The following MYT1L variants were observed in gnomAD, a reference collection of about 807,000 sequenced individuals.
The protein encoded by MYT1L is myelin transcription factor 1 like, also known as myelin transcription factor 1-like protein.
MYT1L carries 12 observed loss-of-function variants against 126.7 expected under a neutral mutation model. The observed-to-expected ratio is 0.09, with a 90% CI of 0.06 to 0.15. MYT1L has a LOEUF of 0.15. Ranked by LOEUF, MYT1L falls within the 10% of genes least tolerant of loss-of-function variation. The pLI, the probability that MYT1L is intolerant of heterozygous loss-of-function variation, is 1.00. For synonymous variants in MYT1L, 541 were observed against 604.2 expected, an observed-to-expected ratio of 0.90 and a Z score of 1.53; for missense variants, 979 against 1,585.2, an observed-to-expected ratio of 0.62 and a Z score of 6.49.
At chr2:1,822,102 C>G (rs1316691814) in intron 21 of MYT1L, among the ~76,000 whole-genome samples, 1 of 152,174 alleles carries the variant, frequency 6.6e-6, no homozygotes, top group Non-Finnish European at 1.5e-5. Context: ...TTTCTTCACT[C>G]TTTCTCTCCA....
chr2:1,804,629 C>T lies in MYT1L; in HGVS notation c.3173-2830G>A, dbSNP rs186674509. Among the ~76,000 whole-genome samples, 546 of 152,310 alleles carry T rather than the reference C, an allele frequency of 3.6e-3. 4 individuals carry two copies. The highest frequency in any genetic ancestry group is 5.9e-3 in the Non-Finnish European group (399 of 68,024). ...CGTGGTCCTGGAAGATTTTGATTTA[C>T]TTCAGGATCCTGGTAGCTCTTGAGA... On this transcript the variant is annotated intron_variant, in intron 22 of 24. Transcript: ENST00000647738.
intron 3 of MYT1L, among the ~76,000 whole-genome samples, chr2:2,133,822 A>T (rs1396586653): frequency 6.6e-6 from 1 of 152,108 alleles, no homozygotes; most frequent in Non-Finnish European, 1.5e-5. Flanking sequence ...CTGACTCTCC[A>T]CTATGCCCGG....
At chr2:1,953,530 C>T (rs1027995377) in intron 8 of MYT1L, among the ~76,000 whole-genome samples, 6 of 152,230 alleles carry the variant, frequency 3.9e-5, no homozygotes, top group Non-Finnish European at 5.9e-5. Context: ...AACTCTGTGT[C>T]GCTAGACATT....
intron 4 of MYT1L, among the ~76,000 whole-genome samples, chr2:2,000,015 C>G (rs1234690282): frequency 6.6e-6 from 1 of 152,214 alleles, no homozygotes. Flanking sequence ...AAAGAGCCAA[C>G]AGAACAAAGA....
At chr2:1,844,871 G>A (rs1298721296) in intron 19 of MYT1L, among the ~76,000 whole-genome samples, 4 of 152,202 alleles carry the variant, frequency 2.6e-5, no homozygotes, top group African/African-American at 9.6e-5. Flanking sequence ...CCGAGCCCTG[G>A]AGGGAGGGGA....
chr2:1,886,971 A>G, intron 17 of MYT1L: 1 of 403,496 alleles, frequency 2.5e-6, no homozygotes, highest in Non-Finnish European at 4.4e-6. Flanking sequence ...ACAGAATTCA[A>G]CATTTTTACT....
intron 3 of MYT1L, among the ~76,000 whole-genome samples, chr2:2,149,565 A>C (rs2085416381): frequency 6.6e-6 from 1 of 152,164 alleles, no homozygotes; most frequent in African/African-American, 2.4e-5. Context: ...CCTTACTCAA[A>C]GTCTGTCACA....
At chr2:1,974,956 A>G (rs541193918) in intron 8 of MYT1L, among the ~76,000 whole-genome samples, 3 of 152,352 alleles carry the variant, frequency 2.0e-5, no homozygotes, top group South Asian at 2.1e-4. Context: ...AAATAACTAC[A>G]GAGATTATCT....
At chr2:2,077,653 C>T (rs2075364541) in intron 3 of MYT1L, among the ~76,000 whole-genome samples, 2 of 152,116 alleles carry the variant, frequency 1.3e-5, no homozygotes, top group South Asian at 4.1e-4. Flanking sequence ...TCATCAGCAA[C>T]TATGGAGAAT....
intron 5 of MYT1L, among the ~76,000 whole-genome samples, chr2:1,985,071 C>T (rs80340156): frequency 0.021 from 3,213 of 152,242 alleles, 49 homozygotes; most frequent in Non-Finnish European, 0.033. Flanking sequence ...GGCTGGGTTA[C>T]GGACAGCTCC....
At chr2:2,197,162 A>G (rs927607302) in intron 2 of MYT1L, among the ~76,000 whole-genome samples, 54 of 152,194 alleles carry the variant, frequency 3.5e-4, no homozygotes, top group Non-Finnish European at 8.8e-5. Flanking sequence ...TGATGAACAA[A>G]TATGGCTGAG....
At chr2:2,094,675 A>G (rs2077246114) in intron 3 of MYT1L, among the ~76,000 whole-genome samples, 3 of 152,002 alleles carry the variant, frequency 2.0e-5, no homozygotes, top group African/African-American at 7.3e-5. Context: ...CACAAGGACA[A>G]AAAATCAAAC....
At chr2:2,217,758 C>T (rs886166932) in intron 2 of MYT1L, among the ~76,000 whole-genome samples, 3 of 143,968 alleles carry the variant, frequency 2.1e-5, no homozygotes, top group African/African-American at 5.4e-5. Context: ...AAAGAAAATC[C>T]ACATTAATAG....
chr2:2,029,314 G>A (rs2065967019), intron 4 of MYT1L, among the ~76,000 whole-genome samples: 1 of 152,186 alleles, frequency 6.6e-6, no homozygotes, highest in Admixed American at 6.5e-5. Flanking sequence ...AATTATAAAG[G>A]AAAGAGGTTT....
intron 19 of MYT1L, among the ~76,000 whole-genome samples, chr2:1,846,080 G>T (rs112756216): frequency 9.3e-4 from 141 of 152,328 alleles, no homozygotes; most frequent in African/African-American, 3.2e-3. Flanking sequence ...TTTCAGGTCA[G>T]ATTCCCACCC....
intron 23 of MYT1L, among the ~76,000 whole-genome samples, chr2:1,794,523 C>T (rs112138883): frequency 0.035 from 5,320 of 152,288 alleles, 144 homozygotes; most frequent in South Asian, 0.11. Context: ...ACTGCTCCCC[C>T]GGCTTAGCGG....
intron 3 of MYT1L, among the ~76,000 whole-genome samples, chr2:2,080,946 T>A (rs754490504): frequency 6.6e-5 from 10 of 152,284 alleles, no homozygotes; most frequent in African/African-American, 2.4e-4. Flanking sequence ...ATGTAAAATG[T>A]CCAGAATAGG....
At chr2:2,214,973 T>C (rs1229138255) in intron 2 of MYT1L, among the ~76,000 whole-genome samples, 2 of 152,216 alleles carry the variant, frequency 1.3e-5, no homozygotes, top group Admixed American at 1.3e-4. Context: ...GTAAGATTCT[T>C]ATACTACATG....
In MYT1L at chr2:2,314,697, C is replaced by T. The variant is rs1165427757; in HGVS notation, c.-521+16270G>A. Among the ~76,000 whole-genome samples the T allele has an allele frequency of 1.4e-4, 21 of 152,130 alleles. 1 individual carries two copies. The highest frequency in any genetic ancestry group is 4.4e-5 in the Non-Finnish European group (3 of 68,012). On this transcript the variant is annotated intron_variant, in intron 1 of 24. Coordinates refer to ENST00000647738, the MANE Select transcript of MYT1L (RefSeq NM_001303052.2). ...AGCTCCACATGTATTAGCTATTTAT[C>T]ACAATGTTCTCCCTCCCTCAAGACA...
Sources: gnomAD v4.1 joint callset for allele counts (sites outside exome capture counted in the v4.1 genomes callset) on GRCh38, gnomAD v4.1.1 for gene constraint, MANE v1.5 for transcripts, NCBI Gene and HGNC (gene_info 2026-07-23, HGNC 2026-07-21) for gene names.